The following ARSL variants were observed in gnomAD, a reference collection of about 807,000 sequenced individuals.
The protein encoded by ARSL is arylsulfatase L.
ARSL carries 4 observed loss-of-function variants against 31.1 expected under a neutral mutation model. That is an observed-to-expected ratio of 0.13 (90% CI 0.06 to 0.29). The LOEUF (loss-of-function observed/expected upper bound fraction) is 0.29, where lower values mean the gene tolerates loss of function less well. Among genes scored for constraint, ARSL ranks in the 10% least tolerant of loss-of-function variants. The pLI is 1.00. For missense variants in ARSL, 312 were observed against 497.8 expected, an observed-to-expected ratio of 0.63 and a Z score of 3.55; for synonymous variants, 198 against 209.9, an observed-to-expected ratio of 0.94 and a Z score of 0.49.
rs190562684 is a variant in ARSL at position 2,941,411 on chromosome X, C to T, written c.1126+1654G>A. Among the ~76,000 whole-genome samples the T allele has an allele frequency of 5.5e-3, 612 of 110,285 alleles. 2 individuals carry two copies. Among genetic ancestry groups the T allele is most frequent in the Non-Finnish European group, 6.1e-3 (323 of 52,804 alleles). ...CTGGGATTACAGGCACGCACCACCA[C>T]ACCCAGCTAATTTTTGTATTTTTAG... On this transcript the variant is annotated intron_variant, in intron 8 of 10. Coordinates refer to ENST00000381134, the MANE Select transcript of ARSL (RefSeq NM_000047.3).
intron 2 of ARSL, chrX:2,959,936 A>G (rs774226509): frequency 4.0e-6 from 1 of 251,387 alleles, no homozygotes; most frequent in Non-Finnish European, 6.8e-6. Context: ...AGGAAGAAAG[A>G]GAGAGAGAAA....
chrX:2,943,857 C>A (rs1215887251), intron 7 of ARSL, among the ~76,000 whole-genome samples: 1 of 108,276 alleles, frequency 9.2e-6, no homozygotes, highest in African/African-American at 3.4e-5. Context: ...TTCTTGCAGC[C>A]ACACACAAGG....
chrX:2,939,795 T>C (rs2089255449), intron 8 of ARSL, among the ~76,000 whole-genome samples: 1 of 108,990 alleles, frequency 9.2e-6, no homozygotes, highest in East Asian at 2.9e-4. Context: ...CACGAAAGAA[T>C]GGCGTGTTTG....
At chrX:2,946,826 C>T (rs943157515) in intron 6 of ARSL, among the ~76,000 whole-genome samples, 3 of 110,779 alleles carry the variant, frequency 2.7e-5, no homozygotes, top group African/African-American at 9.8e-5. Context: ...TGCACCACAA[C>T]ACACGTCTTG....
chrX:2,967,709 C>T (rs946903980), upstream of ARSL, among the ~76,000 whole-genome samples: 1 of 112,776 alleles, frequency 8.9e-6, no homozygotes, highest in African/African-American at 3.2e-5. Flanking sequence ...CTTTGATTCT[C>T]TTCCGGGGAG....
chrX:2,938,044 G>A (rs1352267504), intron 9 of ARSL, 51 bp downstream of exon 9: 1 of 1,205,802 alleles, frequency 8.3e-7, no homozygotes. Context: ...TTTGCCATAA[G>A]TGTTGCTGTG....
chrX:2,961,598 C>G (rs2089634743), intron 1 of ARSL, among the ~76,000 whole-genome samples: 1 of 111,987 alleles, frequency 8.9e-6, no homozygotes, highest in African/African-American at 3.2e-5. Flanking sequence ...AATGGCCCTG[C>G]AAAGCTGTCC....
rs1359359899 is a variant in ARSL at position 2,949,474 on chromosome X, G to C, written c.684C>G (p.Ile228Met). ...HLIPVSWMPV[I>M]WSALSAVLLL... ...GGAGGACGGCCGAAAGGGCTGACCA[G>C]ATGACCGGCATCCACGAGACGGGTA... Residue 228 changes from isoleucine (I) to methionine (M), a missense_variant, in exon 6 of 11, where the codon ATC (isoleucine) becomes ATG (methionine). Transcript: ENST00000381134. 2 of 1,211,684 alleles carry C rather than the reference G, an allele frequency of 1.7e-6. No homozygotes were observed. The highest frequency in any genetic ancestry group is 1.8e-5 in the South Asian group (1 of 56,941).
At chrX:2,961,858 GTT>G (rs772533894) in intron 1 of ARSL, among the ~76,000 whole-genome samples, 48 of 92,107 alleles carry the variant, frequency 5.2e-4, no homozygotes, top group East Asian at 4.7e-3. Context: ...GGATCCCAGG[GTT>G]TTTTTTTTTT....
At chrX:2,949,809 G>C in intron 5 of ARSL, 82 bp from the exon 6 acceptor site, 1 of 1,057,142 alleles carries the variant, frequency 9.5e-7, no homozygotes, top group Non-Finnish European at 1.3e-6. Flanking sequence ...TCACATTCCT[G>C]ATACTCTGTT....
rs764416798 is a variant in ARSL, at chrX:2,958,729, G to C, written c.24-294C>G. Among the ~76,000 whole-genome samples, 5 of 111,653 alleles carry C rather than the reference G, an allele frequency of 4.5e-5. No individual in the cohort carries two copies. In the East Asian group the frequency reaches 1.4e-3, roughly 31 times the overall value. ...TGGTGGGGTGCAGTGGCTCTCTCCT[G>C]TAATCTCAGTATTTTGTGAGGCTGC... is the stretch of plus-strand genomic sequence containing the variant. On this transcript the variant is annotated intron_variant, in intron 2 of 10. Transcript: ENST00000381134.
At chrX:2,955,337 A>G in intron 4 of ARSL, 79 bp downstream of exon 4, 1 of 1,163,989 alleles carries the variant, frequency 8.6e-7, no homozygotes, top group Non-Finnish European at 1.2e-6. Context: ...TAAAAAATAA[A>G]AAAACCAAAA....
chrX:2,953,353 G>T, intron 4 of ARSL, 88 bp from the exon 5 acceptor site: 1 of 1,022,631 alleles, frequency 9.8e-7, no homozygotes, highest in Non-Finnish European at 1.3e-6. Flanking sequence ...TAGAACACTT[G>T]GTAAAAATCT....
At chrX:2,941,823 A>G (rs1336157277) in intron 8 of ARSL, among the ~76,000 whole-genome samples, 1 of 112,274 alleles carries the variant, frequency 8.9e-6, no homozygotes, top group African/African-American at 3.2e-5. Flanking sequence ...GCTGTGTCAC[A>G]GGCCATGGTC....
chrX:2,951,625 A>G (rs1159315521), intron 5 of ARSL, among the ~76,000 whole-genome samples: 2 of 106,183 alleles, frequency 1.9e-5, no homozygotes, highest in Non-Finnish European at 3.9e-5. Context: ...AAAAAAAAAA[A>G]AAAAAAAAAA....
intron 5 of ARSL, among the ~76,000 whole-genome samples, chrX:2,952,197 C>A (rs1208459023): frequency 1.8e-5 from 2 of 110,959 alleles, no homozygotes; most frequent in African/African-American, 6.5e-5. Context: ...TCATACACAC[C>A]AAGGGGAAAA....
At chrX:2,958,205 T>A in intron 3 of ARSL, 69 bp downstream of exon 3, 1 of 1,181,237 alleles carries the variant, frequency 8.5e-7, no homozygotes. Context: ...TTATATGCAT[T>A]TTCAGTGGCT....
At chrX:2,941,362 C>A (rs2089280279) in intron 8 of ARSL, among the ~76,000 whole-genome samples, 1 of 106,835 alleles carries the variant, frequency 9.4e-6, no homozygotes, top group Non-Finnish European at 1.9e-5. Flanking sequence ...TCAACGGATT[C>A]TCCTGCCTCA....
intron 8 of ARSL, among the ~76,000 whole-genome samples, chrX:2,941,133 G>GCATTAA (rs2089274561): frequency 9.1e-6 from 1 of 110,181 alleles, no homozygotes; most frequent in African/African-American, 3.3e-5. Context: ...TTCCTCTCTG[G>GCATTAA]CATTAACATC....
Sources: allele counts gnomAD v4.1 joint callset (sites outside exome capture counted in the v4.1 genomes callset), GRCh38; gene constraint gnomAD v4.1.1; transcripts MANE v1.5; gene names NCBI Gene and HGNC (gene_info 2026-07-23, HGNC 2026-07-21).